The following KBTBD12 variants were observed in gnomAD, a reference collection of about 807,000 sequenced individuals.
KBTBD12 encodes kelch repeat and BTB domain-containing protein 12.
KBTBD12 carries 53 observed loss-of-function variants against 58.7 expected under a neutral mutation model. The ratio of observed to expected loss-of-function variants is 0.90; its 90% CI spans 0.72 to 1.14. The LOEUF (loss-of-function observed/expected upper bound fraction) is 1.14, where lower values mean the gene tolerates loss of function less well. KBTBD12 is among the 50% of genes most tolerant of loss of function. KBTBD12 has a pLI of 0.00. For synonymous variants in KBTBD12, 236 were observed against 259.8 expected, an observed-to-expected ratio of 0.91 and a Z score of 0.88; for missense variants, 704 against 751.3, an observed-to-expected ratio of 0.94 and a Z score of 0.74.
chr3:127,924,041 T>G lies in KBTBD12; in HGVS notation c.980T>G (p.Val327Gly), dbSNP rs1261824143. ...GGTTTAGGAACTGTGTGTACTGGTGTTGTCATGGAAAATAATACTATAATT... is the reference window on the plus strand; with the variant it reads ...GGTTTAGGAACTGTGTGTACTGGTGGTGTCATGGAAAATAATACTATAATT... ...GEGLGTVCTG[V>G]VMENNTIIVA... is the part of the protein sequence containing the mutation. The change falls in exon 2 of 6, where the codon GTT becomes GGT. Residue 327 changes from valine to glycine, a missense_variant. Coordinates refer to ENST00000405109, the MANE Select transcript of KBTBD12 (RefSeq NM_207335.4). The G allele has an allele frequency of 6.2e-7, 1 of 1,613,734 alleles. No individual in the cohort carries two copies. Among genetic ancestry groups the G allele is most frequent in the Non-Finnish European group, 8.5e-7 (1 of 1,179,692 alleles).
chr3:127,929,892 A>G (rs756313581), intron 3 of KBTBD12, among the ~76,000 whole-genome samples: 13 of 151,844 alleles, frequency 8.6e-5, no homozygotes, highest in Admixed American at 3.3e-4. Flanking sequence ...CTCACTGCTA[A>G]GATCACAAAT....
chr3:127,959,004 G>T (rs1940375142), intron 4 of KBTBD12, among the ~76,000 whole-genome samples: 1 of 152,140 alleles, frequency 6.6e-6, no homozygotes, highest in Non-Finnish European at 1.5e-5. Flanking sequence ...GCTTCATTCT[G>T]AAAATACCCA....
intron 5 of KBTBD12, among the ~76,000 whole-genome samples, chr3:127,967,670 C>T (rs982371801): frequency 6.6e-6 from 1 of 152,168 alleles, no homozygotes; most frequent in Non-Finnish European, 1.5e-5. Flanking sequence ...CAGGGAACAA[C>T]TGTTTTTAAG....
intron 5 of KBTBD12, among the ~76,000 whole-genome samples, chr3:127,977,199 C>T (rs1379861565): frequency 6.6e-6 from 1 of 152,192 alleles, no homozygotes; most frequent in Non-Finnish European, 1.5e-5. Context: ...CATAGTATTC[C>T]ATGGTGTCTA....
At chr3:127,938,215 T>C (rs1318559348) in intron 4 of KBTBD12, among the ~76,000 whole-genome samples, 1 of 152,156 alleles carries the variant, frequency 6.6e-6, no homozygotes. Flanking sequence ...AATTGACTTA[T>C]AAAATAATAA....
Position 127,923,672 on chromosome 3 carries a change from A to T in KBTBD12, c.611A>T (p.His204Leu). ...ILDLVLRWVN[H>L]NKELRTVHLV... ...GACTTAGTTCTGAGATGGGTAAATC[A>T]TAACAAAGAATTGCGTACAGTGCAT... is the stretch of plus-strand genomic sequence containing the variant. The change falls in exon 2 of 6, where the codon CAT becomes CTT. Residue 204 changes from histidine to leucine, a missense_variant. Coordinates refer to ENST00000405109, the MANE Select transcript of KBTBD12 (RefSeq NM_207335.4). The T allele has an allele frequency of 6.2e-7, 1 of 1,613,858 alleles. No homozygotes were observed. Among genetic ancestry groups the T allele is most frequent in the South Asian group, 1.1e-5 (1 of 91,060 alleles).
At chr3:127,928,598 A>G (rs973435868) in intron 3 of KBTBD12, among the ~76,000 whole-genome samples, 4 of 152,322 alleles carry the variant, frequency 2.6e-5, no homozygotes, top group African/African-American at 9.6e-5. Context: ...TGGCAAACCA[A>G]AGTGAAAAGT....
chr3:127,972,359 C>A (rs938371392), intron 5 of KBTBD12, among the ~76,000 whole-genome samples: 1 of 152,132 alleles, frequency 6.6e-6, no homozygotes, highest in Non-Finnish European at 1.5e-5. Context: ...GGTTATGGGG[C>A]CTGGGCATCA....
intron 4 of KBTBD12, among the ~76,000 whole-genome samples, chr3:127,945,084 G>C (rs1940043997): frequency 6.8e-6 from 1 of 147,394 alleles, no homozygotes; most frequent in Non-Finnish European, 1.5e-5. Flanking sequence ...GTTGTTTGTA[G>C]AGATGGGGTT....
intron 4 of KBTBD12, among the ~76,000 whole-genome samples, chr3:127,933,688 C>T (rs1280342355): frequency 1.3e-5 from 2 of 152,112 alleles, no homozygotes; most frequent in African/African-American, 2.4e-5. Context: ...ACTATTTGAA[C>T]TTTTAAGGTA....
intron 4 of KBTBD12, among the ~76,000 whole-genome samples, chr3:127,956,908 A>G (rs1048863640): frequency 6.6e-6 from 1 of 152,238 alleles, no homozygotes. Context: ...TATAAACAGC[A>G]GATCATTTTG....
In KBTBD12 at chr3:127,952,737, G is replaced by A. The variant is rs16839385; in HGVS notation, c.1493-10452G>A. 6.6e-3 allele frequency among the ~76,000 whole-genome samples: 1,009 copies of A among 152,274 alleles called. 12 individuals are homozygous for A. Among genetic ancestry groups the A allele is most frequent in the African/African-American group, 0.023 (951 of 41,558 alleles). ...ACTTGTGCTCTGGGCACTAGCAATCGTCTGACTTCCTGTTAAATGAGGAGT... is the reference window on the plus strand; with the variant it reads ...ACTTGTGCTCTGGGCACTAGCAATCATCTGACTTCCTGTTAAATGAGGAGT... On this transcript the variant is annotated intron_variant, in intron 4 of 5. Coordinates refer to ENST00000405109, the MANE Select transcript of KBTBD12 (RefSeq NM_207335.4).
intron 1 of KBTBD12, among the ~76,000 whole-genome samples, chr3:127,921,347 A>G (rs1379616746): frequency 1.3e-5 from 2 of 152,152 alleles, no homozygotes; most frequent in Non-Finnish European, 2.9e-5. Context: ...GAAACTAATA[A>G]TAATGTCCAT....
Position 127,923,168 on chromosome 3 carries a change from C to G in KBTBD12, c.107C>G (p.Thr36Arg). Residue 36 changes from threonine to arginine, a missense_variant, in exon 2 of 6, where the codon ACA (threonine) becomes AGA (arginine). Coordinates refer to ENST00000405109, the MANE Select transcript of KBTBD12 (RefSeq NM_207335.4). Reference sequence around the variant, plus strand: ...GCAGAAATGATTGATGTGGTACTCACAGCAGAAGGAGAGAAATTTCCTTGC... The same window carrying G: ...GCAGAAATGATTGATGTGGTACTCAGAGCAGAAGGAGAGAAATTTCCTTGC... ...ELAEMIDVVLTAEGEKFPCHR... is the reference protein window; with the variant it reads ...ELAEMIDVVLRAEGEKFPCHR... 1 of 1,613,316 alleles carries G rather than the reference C, an allele frequency of 6.2e-7. No homozygotes were observed.
intron 1 of KBTBD12, among the ~76,000 whole-genome samples, chr3:127,921,178 A>G (rs1347910825): frequency 6.6e-6 from 1 of 152,142 alleles, no homozygotes; most frequent in Non-Finnish European, 1.5e-5. Context: ...TTCTTATGGA[A>G]TTCTCAAAAT....
chr3:127,917,592 CG>C (rs2107584147), intron 1 of KBTBD12, among the ~76,000 whole-genome samples: 1 of 152,254 alleles, frequency 6.6e-6, no homozygotes, highest in East Asian at 1.9e-4. Context: ...TTATTCTTTC[CG>C]GGGACCAGCT....
chr3:127,963,979 G>T (rs1024087586), intron 5 of KBTBD12, among the ~76,000 whole-genome samples: 5 of 152,094 alleles, frequency 3.3e-5, no homozygotes, highest in African/African-American at 1.2e-4. Flanking sequence ...TAATGCATGT[G>T]TTTATTACTA....
rs575487738 is a variant in KBTBD12 at position 127,978,189 on chromosome 3, T to C, written c.1691-5908T>C. Among the ~76,000 whole-genome samples, 14 of 152,264 alleles carry C rather than the reference T, an allele frequency of 9.2e-5. No homozygotes were observed. The South Asian group carries it at 2.9e-3, about 32-fold the overall frequency. The stretch of plus-strand genomic sequence containing the variant: ...CTATTCTGTTCCATTACGACCTCTG[T>C]TCTTTACCTTTTGCTGAGACAGCTT... On this transcript the variant is annotated intron_variant, in intron 5 of 5. Coordinates refer to ENST00000405109, the MANE Select transcript of KBTBD12 (RefSeq NM_207335.4).
chr3:127,947,115 TG>T (rs1940100553), intron 4 of KBTBD12, among the ~76,000 whole-genome samples: 1 of 152,246 alleles, frequency 6.6e-6, no homozygotes, highest in East Asian at 1.9e-4. Context: ...GCTTCTGTTA[TG>T]TTTTTTTCTT....
Sources: gnomAD v4.1 joint callset for allele counts (sites outside exome capture counted in the v4.1 genomes callset) on GRCh38, gnomAD v4.1.1 for gene constraint, MANE v1.5 for transcripts, NCBI Gene and HGNC (gene_info 2026-07-23, HGNC 2026-07-21) for gene names.